Variants in PRTFDC1 observed in about 807,000 individuals in gnomAD.
PRTFDC1 encodes the protein phosphoribosyl transferase domain containing 1, also known as phosphoribosyltransferase domain-containing protein 1.
Under a neutral mutation model 34.6 loss-of-function variants are expected in PRTFDC1, and 38 were observed. The ratio of observed to expected loss-of-function variants is 1.10; its 90% CI spans 0.85 to 1.44. The LOEUF (loss-of-function observed/expected upper bound fraction) is 1.44. Among genes scored for constraint, PRTFDC1 ranks in the 40% most tolerant of loss-of-function variants. The pLI, the probability that PRTFDC1 is intolerant of heterozygous loss-of-function variation, is 0.00. For synonymous variants in PRTFDC1, 93 were observed against 98.1 expected (o/e 0.95, Z 0.31); for missense variants, 270 against 283.0 (o/e 0.95, Z 0.33).
intron 6 of PRTFDC1, among the ~76,000 whole-genome samples, chr10:24,855,880 T>C (rs1242497189): frequency 6.6e-6 from 1 of 152,034 alleles, no homozygotes; most frequent in East Asian, 1.9e-4. Context: ...TCCAGCACTT[T>C]GGGAGGCCAA....
intron 3 of PRTFDC1, among the ~76,000 whole-genome samples, chr10:24,873,900 T>C (rs996334180): frequency 6.6e-6 from 1 of 151,240 alleles, no homozygotes; most frequent in African/African-American, 2.4e-5. Flanking sequence ...GACCTTATAA[T>C]TTTTTACCTT....
chr10:24,865,584 T>C (rs1290843361), intron 4 of PRTFDC1, among the ~76,000 whole-genome samples: 1 of 152,150 alleles, frequency 6.6e-6, no homozygotes, highest in African/African-American at 2.4e-5. Context: ...TCTTTGCTGT[T>C]GCATGATTCT....
chr10:24,924,525 T>C (rs1848840860), intron 3 of PRTFDC1, among the ~76,000 whole-genome samples: 1 of 151,888 alleles, frequency 6.6e-6, no homozygotes, highest in Non-Finnish European at 1.5e-5. Flanking sequence ...ATCATCAGAG[T>C]GAACAGACAA....
At chr10:24,871,197 G>C (rs1286414040) in intron 4 of PRTFDC1, among the ~76,000 whole-genome samples, 1 of 151,340 alleles carries the variant, frequency 6.6e-6, no homozygotes, top group Non-Finnish European at 1.5e-5. Flanking sequence ...ACAAGCACAA[G>C]TATGAGAGAT....
chr10:24,849,065 C>T lies in PRTFDC1; in HGVS notation c.*779G>A, dbSNP rs1847438127. On this transcript the variant is annotated 3_prime_UTR_variant, in exon 9 of 9. Transcript: ENST00000320152. The stretch of plus-strand genomic sequence containing the variant: ...CTCGCCCCTAATTCTGCCATTTGCT[C>T]ATGTCCCACATGAATAAAAGGATAC... 1 of 152,194 alleles carries T rather than the reference C, an allele frequency of 6.6e-6. No homozygotes were observed. Among genetic ancestry groups the T allele is most frequent in the South Asian group, 2.1e-4 (1 of 4,830 alleles). The allele number at this position is 152,194 out of a possible 1,614,324, so 9.4% of individuals were successfully genotyped here.
At chr10:24,932,259 T>C (rs1439398308) in intron 3 of PRTFDC1, among the ~76,000 whole-genome samples, 4 of 151,934 alleles carry the variant, frequency 2.6e-5, no homozygotes, top group African/African-American at 9.7e-5. Flanking sequence ...AAGGATGTTT[T>C]CTCCCACCAT....
intron 3 of PRTFDC1, among the ~76,000 whole-genome samples, chr10:24,919,983 G>T (rs540262610): frequency 6.6e-6 from 1 of 152,222 alleles, no homozygotes; most frequent in South Asian, 2.1e-4. Flanking sequence ...ATAGATGCTG[G>T]TGAGGCTATG....
At chr10:24,873,350 A>G (rs964400247) in intron 3 of PRTFDC1, among the ~76,000 whole-genome samples, 1 of 152,190 alleles carries the variant, frequency 6.6e-6, no homozygotes, top group Non-Finnish European at 1.5e-5. Flanking sequence ...TTACAGACCC[A>G]CATTAAAGGA....
At chr10:24,860,842 A>T (rs1484989228) in intron 4 of PRTFDC1, among the ~76,000 whole-genome samples, 1 of 152,180 alleles carries the variant, frequency 6.6e-6, no homozygotes, top group Non-Finnish European at 1.5e-5. Context: ...AGTTTGATTG[A>T]CGCTTACCAA....
intron 3 of PRTFDC1, among the ~76,000 whole-genome samples, chr10:24,934,880 G>A (rs1000837944): frequency 2.6e-5 from 4 of 152,076 alleles, no homozygotes; most frequent in East Asian, 1.9e-4. Flanking sequence ...AATATTTTAC[G>A]GAGTTTGACT....
At chr10:24,873,017 A>G (rs572838381) in intron 3 of PRTFDC1, among the ~76,000 whole-genome samples, 1 of 151,530 alleles carries the variant, frequency 6.6e-6, no homozygotes, top group Non-Finnish European at 1.5e-5. Flanking sequence ...GTACAGAAAA[A>G]GTCTTGCTAT....
chr10:24,914,359 G>T (rs972202677), intron 3 of PRTFDC1, among the ~76,000 whole-genome samples: 1 of 152,150 alleles, frequency 6.6e-6, no homozygotes, highest in Non-Finnish European at 1.5e-5. Flanking sequence ...TTAGGCATTT[G>T]CTATCTGCTT....
chr10:24,911,046 A>C (rs1434334677), intron 3 of PRTFDC1, among the ~76,000 whole-genome samples: 1 of 152,212 alleles, frequency 6.6e-6, no homozygotes, highest in African/African-American at 2.4e-5. Context: ...GACCTCAAAA[A>C]TAAAAACAGT....
intron 3 of PRTFDC1, among the ~76,000 whole-genome samples, chr10:24,894,437 C>A (rs1848316745): frequency 6.6e-6 from 1 of 152,112 alleles, no homozygotes; most frequent in African/African-American, 2.4e-5. Context: ...TAGGCTTCGG[C>A]CTCTGTGGAT....
chr10:24,935,924 T>G (rs928921109), intron 3 of PRTFDC1, among the ~76,000 whole-genome samples: 3 of 152,176 alleles, frequency 2.0e-5, no homozygotes, highest in Admixed American at 1.3e-4. Context: ...AAACCTCAGA[T>G]GATATCAAAA....
At chr10:24,913,098 A>C (rs555017082) in intron 3 of PRTFDC1, among the ~76,000 whole-genome samples, 1 of 152,336 alleles carries the variant, frequency 6.6e-6, no homozygotes, top group East Asian at 1.9e-4. Context: ...ATGGCAACTA[A>C]AAGTTTTAAG....
intron 1 of PRTFDC1, among the ~76,000 whole-genome samples, chr10:24,950,999 C>A (rs939353435): frequency 1.3e-5 from 2 of 152,076 alleles, no homozygotes; most frequent in Non-Finnish European, 2.9e-5. Flanking sequence ...GCCCTTTTTG[C>A]GTTTTAGTCC....
chr10:24,871,927 G>T, intron 4 of PRTFDC1, 71 bp downstream of exon 4: 2 of 1,353,568 alleles, frequency 1.5e-6, no homozygotes, highest in Non-Finnish European at 2.1e-6. Context: ...TCCTGTGAGT[G>T]CTGACCTGAA....
In PRTFDC1 at chr10:24,854,071, T is replaced by A. The variant is rs559505485; in HGVS notation, c.553+1247A>T. Among the ~76,000 whole-genome samples the A allele has an allele frequency of 5.9e-5, 9 of 152,348 alleles. No homozygotes were observed. In the East Asian group the frequency reaches 1.5e-3, roughly 26 times the overall value. ...CTATTGTGTGGATGAAATGAGCTAA[T>A]CTCTGTATAGCTCTTAGAATAGTGC... On this transcript the variant is annotated intron_variant, in intron 7 of 8. Transcript: ENST00000320152.
Sources: gnomAD v4.1 joint callset for allele counts (sites outside exome capture counted in the v4.1 genomes callset) on GRCh38, gnomAD v4.1.1 for gene constraint, MANE v1.5 for transcripts, NCBI Gene and HGNC (gene_info 2026-07-23, HGNC 2026-07-21) for gene names.